Variants in ELAVL4 observed in about 807,000 individuals in gnomAD.
The protein encoded by ELAVL4 is ELAV-like protein 4.
In ELAVL4, 1 loss-of-function variant was observed where a neutral mutation model predicts 35.6. The observed-to-expected ratio is 0.03, with a 90% CI of 0.01 to 0.13. ELAVL4 has a LOEUF of 0.13. Ranked by LOEUF, ELAVL4 falls within the 10% of genes least tolerant of loss-of-function variation. The pLI is 1.00. For synonymous variants in ELAVL4, 156 were observed against 171.0 expected, an observed-to-expected ratio of 0.91 and a Z score of 0.69; for missense variants, 267 against 464.9, an observed-to-expected ratio of 0.57 and a Z score of 3.91.
chr1:50,195,541 G>C lies in ELAVL4; in HGVS notation c.509-20G>C. 6.2e-7 allele frequency: 1 copy of C among 1,612,964 alleles called. No individual in the cohort carries two copies. The highest frequency in any genetic ancestry group is 8.5e-7 in the Non-Finnish European group (1 of 1,179,006). On this transcript the variant is annotated intron_variant, in intron 4 of 6. Coordinates refer to ENST00000371824, the MANE Select transcript of ELAVL4 (RefSeq NM_001144774.3). ...GTTTGGTGTGTTCACTCTTTACAAA[G>C]GCTCTTTCTCTTTCCCCAGGAGTGT...
At chr1:50,120,193 C>G (rs1668790025) in intron 1 of ELAVL4, among the ~76,000 whole-genome samples, 1 of 151,698 alleles carries the variant, frequency 6.6e-6, no homozygotes, top group Non-Finnish European at 1.5e-5. Context: ...GACAGTGTCT[C>G]AGCAGAGGAG....
upstream of ELAVL4, among the ~76,000 whole-genome samples, chr1:50,103,196 C>T (rs1364868137): frequency 6.6e-6 from 1 of 152,172 alleles, no homozygotes. Context: ...GGTTAGACAT[C>T]CATTTGTCAC....
intron 1 of ELAVL4, among the ~76,000 whole-genome samples, chr1:50,071,906 C>A (rs533343954): frequency 6.6e-6 from 1 of 152,250 alleles, no homozygotes; most frequent in East Asian, 1.9e-4. Flanking sequence ...TATTGAGTAG[C>A]ACTCACATAA....
intron 1 of ELAVL4, among the ~76,000 whole-genome samples, chr1:50,119,030 GAAAGAA>G (rs1290126690): frequency 1.7e-5 from 2 of 121,210 alleles, no homozygotes; most frequent in Admixed American, 9.1e-5. Context: ...AGGAAAGAAA[GAAAGAA>G]AAAGAAAGAA....
intron 1 of ELAVL4, among the ~76,000 whole-genome samples, chr1:50,111,636 T>A (rs1173795748): frequency 2.0e-5 from 3 of 152,128 alleles, no homozygotes; most frequent in Admixed American, 1.3e-4. Context: ...AGTCACAGGA[T>A]CCATCAGGCT....
intron 2 of ELAVL4, among the ~76,000 whole-genome samples, chr1:50,176,611 A>G (rs1330982332): frequency 6.6e-6 from 1 of 152,156 alleles, no homozygotes; most frequent in Non-Finnish European, 1.5e-5. Flanking sequence ...CACTCTCTCA[A>G]ACCTACCTGA....
chr1:50,141,230 C>T (rs1225765311), intron 1 of ELAVL4, among the ~76,000 whole-genome samples: 1 of 152,154 alleles, frequency 6.6e-6, no homozygotes, highest in Non-Finnish European at 1.5e-5. Context: ...CATACTCCAT[C>T]ACTAGCACCA....
intron 1 of ELAVL4, among the ~76,000 whole-genome samples, chr1:50,059,565 C>T (rs1052388457): frequency 3.3e-5 from 5 of 150,578 alleles, no homozygotes; most frequent in African/African-American, 9.7e-5. Flanking sequence ...AAAAAAAAAA[C>T]CGTTGGAGAA....
intron 1 of ELAVL4, among the ~76,000 whole-genome samples, chr1:50,119,579 A>G (rs1668672666): frequency 6.6e-6 from 1 of 152,010 alleles, no homozygotes; most frequent in Non-Finnish European, 1.5e-5. Context: ...AAGAAAAAAG[A>G]CTTGGAGCTT....
chr1:50,109,019 C>CGGGCGGG lies in ELAVL4; in HGVS notation c.-171_-170insGGGCGGG. 1 of 531,412 alleles carries CGGGCGGG rather than the reference C, an allele frequency of 1.9e-6. No homozygotes were observed. Among genetic ancestry groups the CGGGCGGG allele is most frequent in the Non-Finnish European group, 2.3e-6 (1 of 427,140 alleles). 32.9% of individuals were successfully genotyped at this position (531,412 alleles called of 1,614,324 possible). On this transcript the variant is annotated 5_prime_UTR_variant, in exon 1 of 7. Coordinates refer to ENST00000371824, the MANE Select transcript of ELAVL4 (RefSeq NM_001144774.3). ...CTTTTCTTTTTTTTCTTTCTCTCCC[C>CGGGCGGG]CGCCCACCCCCCCAAAAATAATTGA...
intron 1 of ELAVL4, among the ~76,000 whole-genome samples, chr1:50,076,335 TGAGA>T (rs1457867362): frequency 6.6e-6 from 1 of 152,120 alleles, no homozygotes; most frequent in Non-Finnish European, 1.5e-5. Flanking sequence ...TAAGATATTT[TGAGA>T]GAGAGAAAGA....
chr1:50,171,787 T>C (rs1679046869), intron 2 of ELAVL4, among the ~76,000 whole-genome samples: 1 of 152,212 alleles, frequency 6.6e-6, no homozygotes, highest in South Asian at 2.1e-4. Context: ...TTGGGTAGAT[T>C]TAAGCCTGCT....
chr1:50,192,879 T>C (rs578060134), intron 3 of ELAVL4, among the ~76,000 whole-genome samples: 1 of 152,356 alleles, frequency 6.6e-6, no homozygotes, highest in African/African-American at 2.4e-5. Flanking sequence ...TGTGTACTGC[T>C]ACAGATTTGG....
chr1:50,110,089 T>G, intron 1 of ELAVL4: 1 of 1,275,710 alleles, frequency 7.8e-7, no homozygotes, highest in South Asian at 1.3e-5. Flanking sequence ...TGCTGATCGT[T>G]TGTGTGTGTA....
chr1:50,114,090 C>A (rs1357779136), intron 1 of ELAVL4, among the ~76,000 whole-genome samples: 1 of 152,088 alleles, frequency 6.6e-6, no homozygotes, highest in South Asian at 2.1e-4. Context: ...TGTTAGTAAC[C>A]AAACACCTTT....
intron 2 of ELAVL4, among the ~76,000 whole-genome samples, chr1:50,172,567 A>C (rs1679210196): frequency 6.6e-6 from 1 of 152,030 alleles, no homozygotes; most frequent in Non-Finnish European, 1.5e-5. Flanking sequence ...ACACAGCTAC[A>C]CTCATTTGTT....
chr1:50,132,592 G>A (rs911603758), intron 1 of ELAVL4, among the ~76,000 whole-genome samples: 2 of 152,102 alleles, frequency 1.3e-5, no homozygotes, highest in Non-Finnish European at 2.9e-5. Flanking sequence ...TAGGTGAAGG[G>A]GAGACTGAAC....
chr1:50,118,503 AGAG>A (rs755503007), intron 1 of ELAVL4, among the ~76,000 whole-genome samples: 1 of 150,794 alleles, frequency 6.6e-6, no homozygotes, highest in Non-Finnish European at 1.5e-5. Context: ...GGAAAAAAAA[AGAG>A]AGAGAGAGAA....
chr1:50,070,467 G>A (rs1664462555), intron 1 of ELAVL4, among the ~76,000 whole-genome samples: 1 of 152,200 alleles, frequency 6.6e-6, no homozygotes, highest in Non-Finnish European at 1.5e-5. Flanking sequence ...CCGTGGCTGG[G>A]CGCAGTGGCT....
Sources: allele counts gnomAD v4.1 joint callset (sites outside exome capture counted in the v4.1 genomes callset), GRCh38; gene constraint gnomAD v4.1.1; transcripts MANE v1.5; gene names NCBI Gene and HGNC (gene_info 2026-07-23, HGNC 2026-07-21).